WDPCP: variants seen among roughly 807,000 people sequenced by gnomAD.
WDPCP encodes WD repeat containing planar cell polarity effector.
Under a neutral mutation model 93.1 loss-of-function variants are expected in WDPCP, and 71 were observed. That is an observed-to-expected ratio of 0.76 (90% confidence interval 0.63 to 0.93). The LOEUF (loss-of-function observed/expected upper bound fraction) is 0.93. Among genes scored for constraint, WDPCP ranks in the 40% least tolerant of loss-of-function variants. The probability of loss-of-function intolerance (pLI) is 0.00; values close to 1 mark genes in which losing one functional copy is unlikely to be tolerated. For missense variants in WDPCP, 844 were observed against 887.4 expected, an observed-to-expected ratio of 0.95 and a Z score of 0.62; for synonymous variants, 315 against 315.0, an observed-to-expected ratio of 1.00 and a Z score of 0.00.
At chr2:63,767,051 A>G (rs145062281) in intron 2 of WDPCP, among the ~76,000 whole-genome samples, 172 of 152,090 alleles carry the variant, frequency 1.1e-3, no homozygotes, top group African/African-American at 4.1e-3. Flanking sequence ...TTATATCACT[A>G]TAGATTAGTT....
chr2:63,296,366 T>A (rs551880415), intron 13 of WDPCP, among the ~76,000 whole-genome samples: 11 of 152,046 alleles, frequency 7.2e-5, no homozygotes, highest in Non-Finnish European at 1.6e-4. Flanking sequence ...TTGCAAGCAT[T>A]CCCCCTTAAA....
intron 3 of WDPCP, chr2:63,642,527 G>T (rs1709993331): frequency 6.9e-6 from 1 of 144,450 alleles, no homozygotes; most frequent in Non-Finnish European, 1.5e-5. Flanking sequence ...TCACTTCTTT[G>T]GAAAATTCCT....
chr2:63,574,402 T>C (rs1707769265), intron 1 of WDPCP, among the ~76,000 whole-genome samples: 1 of 152,210 alleles, frequency 6.6e-6, no homozygotes, highest in Non-Finnish European at 1.5e-5. Context: ...TCTGGCTGAA[T>C]TTCCCCCGAT....
At chr2:63,565,666 T>C (rs1271689401) in intron 1 of WDPCP, among the ~76,000 whole-genome samples, 1 of 152,188 alleles carries the variant, frequency 6.6e-6, no homozygotes, top group Non-Finnish European at 1.5e-5. Context: ...GAAATCACCA[T>C]ATATAACCTG....
At chr2:63,214,205 T>C (rs917483194) in intron 14 of WDPCP, among the ~76,000 whole-genome samples, 3 of 152,186 alleles carry the variant, frequency 2.0e-5, no homozygotes, top group African/African-American at 7.2e-5. Flanking sequence ...ATGATGAACA[T>C]TGATGCAAAA....
intron 3 of WDPCP, among the ~76,000 whole-genome samples, chr2:63,646,187 G>A (rs1710047772): frequency 1.3e-5 from 2 of 151,788 alleles, no homozygotes; most frequent in Admixed American, 1.3e-4. Context: ...TTTGGTTGGA[G>A]GTTACCATGA....
At chr2:63,151,265 C>T (rs1313234194) in intron 17 of WDPCP, among the ~76,000 whole-genome samples, 1 of 152,142 alleles carries the variant, frequency 6.6e-6, no homozygotes, top group Admixed American at 6.5e-5. Context: ...TCTGCTGTTG[C>T]TCAGGGTGGA....
intron 9 of WDPCP, among the ~76,000 whole-genome samples, chr2:63,407,719 T>G (rs1694698533): frequency 6.6e-6 from 1 of 152,216 alleles, no homozygotes; most frequent in African/African-American, 2.4e-5. Context: ...CTTATATATT[T>G]TACACTTTTT....
chr2:63,403,430 A>T (rs77041355), intron 10 of WDPCP, among the ~76,000 whole-genome samples: 3 of 140,858 alleles, frequency 2.1e-5, no homozygotes, highest in Non-Finnish European at 3.1e-5. Context: ...CATAAAAGTT[A>T]AAAAAAATTC....
chr2:63,132,231 G>A (rs1443678577), intron 17 of WDPCP, among the ~76,000 whole-genome samples: 2 of 151,908 alleles, frequency 1.3e-5, no homozygotes, highest in East Asian at 3.9e-4. Context: ...TCCCTTGTAT[G>A]TGATGAGTCA....
At chr2:63,158,281 T>A (rs903676015) in intron 15 of WDPCP, among the ~76,000 whole-genome samples, 7 of 152,218 alleles carry the variant, frequency 4.6e-5, no homozygotes, top group African/African-American at 1.4e-4. Flanking sequence ...GTGGAATGAT[T>A]TTCTGTCACT....
intron 12 of WDPCP, among the ~76,000 whole-genome samples, chr2:63,338,562 AAAAAAAAATATATAT>A (rs1226943788): frequency 3.2e-5 from 2 of 61,992 alleles, no homozygotes; most frequent in Non-Finnish European, 5.8e-5. Flanking sequence ...AAAAAAAAAA[AAAAAAAAATATATAT>A]ATATATATAT....
intron 13 of WDPCP, among the ~76,000 whole-genome samples, chr2:63,264,777 C>T (rs1681960347): frequency 1.3e-5 from 2 of 152,160 alleles, no homozygotes; most frequent in Admixed American, 1.3e-4. Flanking sequence ...AATATAAATT[C>T]TTTTCAAGAG....
chr2:63,526,912 T>C (rs535277328), intron 1 of WDPCP, among the ~76,000 whole-genome samples: 1 of 152,328 alleles, frequency 6.6e-6, no homozygotes, highest in African/African-American at 2.4e-5. Flanking sequence ...CTCTATAATA[T>C]TCCCCAATGT....
At chr2:63,458,594 CACAA>C (rs1421277497) in intron 6 of WDPCP, among the ~76,000 whole-genome samples, 1 of 152,118 alleles carries the variant, frequency 6.6e-6, no homozygotes, top group African/African-American at 2.4e-5. Flanking sequence ...CTGAAGAGGA[CACAA>C]ACAAGTGAAA....
chr2:63,731,681 A>G lies in WDPCP; in HGVS notation n.309-80843T>C, dbSNP rs557174322. 2.6e-5 allele frequency among the ~76,000 whole-genome samples: 4 copies of G among 152,338 alleles called. No homozygotes were observed. In the South Asian group the frequency reaches 8.3e-4, roughly 32 times the overall value. ...TTTTTGCTGGAACATTATAATGTACAATGTACTGTGCAGAGTGTTGGATAC... is the reference window on the plus strand; with the variant it reads ...TTTTTGCTGGAACATTATAATGTACGATGTACTGTGCAGAGTGTTGGATAC... On this transcript the variant is annotated intron_variant and non_coding_transcript_variant, in intron 2 of 4. Coordinates refer to the WDPCP transcript ENST00000467687.
chr2:63,183,795 G>A (rs1674422601), intron 14 of WDPCP, among the ~76,000 whole-genome samples: 1 of 152,036 alleles, frequency 6.6e-6, no homozygotes, highest in African/African-American at 2.4e-5. Flanking sequence ...TTGTGACTCT[G>A]ACTGCTCCAG....
chr2:63,153,038 AAAT>A, intron 16 of WDPCP, 93 bp from the exon 17 acceptor site: 1 of 1,008,182 alleles, frequency 9.9e-7, no homozygotes, highest in Non-Finnish European at 1.5e-6. Flanking sequence ...GAAATGCTTA[AAAT>A]AATAACAAGT....
At chr2:63,444,655 A>G (rs1307543614) in intron 6 of WDPCP, among the ~76,000 whole-genome samples, 3 of 152,182 alleles carry the variant, frequency 2.0e-5, no homozygotes, top group Non-Finnish European at 2.9e-5. Context: ...GCAAGGTGGT[A>G]AAGGGAGGCA....
Sources: gnomAD v4.1 joint callset for allele counts (sites outside exome capture counted in the v4.1 genomes callset) on GRCh38, gnomAD v4.1.1 for gene constraint, MANE v1.5 for transcripts, NCBI Gene and HGNC (gene_info 2026-07-23, HGNC 2026-07-21) for gene names.